Variants in PRRX1 observed in about 807,000 individuals in gnomAD.
The protein encoded by PRRX1 is paired related homeobox 1.
Under a neutral mutation model 24.0 loss-of-function variants are expected in PRRX1, and 8 were observed. The observed-to-expected ratio is 0.33, with a 90% confidence interval of 0.20 to 0.60. The LOEUF is 0.60. Among genes scored for constraint, PRRX1 ranks in the 20% least tolerant of loss-of-function variants. PRRX1 has a pLI of 0.82. For missense variants in PRRX1, 281 were observed against 322.4 expected (o/e 0.87, Z 0.98); for synonymous variants, 160 against 131.7 (o/e 1.22, Z -1.47).
chr1:170,688,980 A>G (rs1653839407), intron 1 of PRRX1, among the ~76,000 whole-genome samples: 1 of 152,158 alleles, frequency 6.6e-6, no homozygotes, highest in African/African-American at 2.4e-5. Flanking sequence ...TTAGAAATCA[A>G]TAGCATATTG....
At chr1:170,734,223 ATTTTT>A (rs11300488) in intron 3 of PRRX1, among the ~76,000 whole-genome samples, 2 of 144,384 alleles carry the variant, frequency 1.4e-5, no homozygotes, top group Admixed American at 6.9e-5. Context: ...TATTGGTAAG[ATTTTT>A]TTTTTTTTTT....
chr1:170,693,391 TC>T (rs1300135244), intron 1 of PRRX1, among the ~76,000 whole-genome samples: 1 of 151,972 alleles, frequency 6.6e-6, no homozygotes, highest in East Asian at 1.9e-4. Context: ...ATGACCAAAT[TC>T]TAGTATGATG....
intron 1 of PRRX1, among the ~76,000 whole-genome samples, chr1:170,673,604 T>G (rs1417892319): frequency 1.3e-5 from 2 of 152,232 alleles, no homozygotes; most frequent in African/African-American, 4.8e-5. Flanking sequence ...AATCCATATC[T>G]GCAGCCACTT....
intron 1 of PRRX1, among the ~76,000 whole-genome samples, chr1:170,684,919 T>C (rs917345366): frequency 6.6e-6 from 1 of 152,206 alleles, no homozygotes; most frequent in Admixed American, 6.5e-5. Flanking sequence ...TAAGTTATAA[T>C]CAGTATAAAC....
intron 1 of PRRX1, among the ~76,000 whole-genome samples, chr1:170,702,955 A>G (rs1450659076): frequency 2.6e-5 from 4 of 152,206 alleles, no homozygotes; most frequent in Non-Finnish European, 5.9e-5. Context: ...ATTTATAACC[A>G]TTTGATCAAG....
intron 1 of PRRX1, among the ~76,000 whole-genome samples, chr1:170,711,998 T>G (rs1195501418): frequency 1.3e-5 from 2 of 152,228 alleles, no homozygotes; most frequent in Non-Finnish European, 2.9e-5. Context: ...TGTTGTGTTT[T>G]TAGGCATATG....
At chr1:170,689,984 G>A (rs915347434) in intron 1 of PRRX1, among the ~76,000 whole-genome samples, 1 of 151,450 alleles carries the variant, frequency 6.6e-6, no homozygotes, top group Non-Finnish European at 1.5e-5. Context: ...GACTGGATTG[G>A]CATTCCTCAT....
intron 1 of PRRX1, among the ~76,000 whole-genome samples, chr1:170,713,966 T>G (rs1281065053): frequency 6.6e-6 from 1 of 152,176 alleles, no homozygotes; most frequent in East Asian, 1.9e-4. Context: ...TGGGAGTCAA[T>G]GATGGAGGAC....
intron 1 of PRRX1, among the ~76,000 whole-genome samples, chr1:170,714,284 C>T (rs1379180258): frequency 1.3e-5 from 2 of 152,100 alleles, no homozygotes; most frequent in Non-Finnish European, 2.9e-5. Context: ...GGTTACGGGG[C>T]CTGAACCACA....
intron 1 of PRRX1, among the ~76,000 whole-genome samples, chr1:170,685,874 T>A (rs1653716072): frequency 2.1e-5 from 3 of 143,366 alleles, no homozygotes; most frequent in Non-Finnish European, 3.1e-5. Flanking sequence ...GAATGCAACT[T>A]GAGTGTAATT....
chr1:170,675,169 G>A (rs1653273515), intron 1 of PRRX1, among the ~76,000 whole-genome samples: 1 of 152,194 alleles, frequency 6.6e-6, no homozygotes, highest in Non-Finnish European at 1.5e-5. Flanking sequence ...AAGTTCCAGT[G>A]GGTACATTTT....
At position 170,676,092 on chromosome 1, in the gene PRRX1, C is replaced by T. The variant is rs1376790857; in HGVS notation, c.241+11633C>T. Among the ~76,000 whole-genome samples, 38 of 152,090 alleles carry T rather than the reference C, an allele frequency of 2.5e-4. 1 individual carries two copies. Among genetic ancestry groups the T allele is most frequent in the Admixed American group, 2.5e-3 (38 of 15,274 alleles). On this transcript the variant is annotated intron_variant, in intron 1 of 3. Coordinates refer to ENST00000239461, the MANE Select transcript of PRRX1 (RefSeq NM_022716.4). The stretch of plus-strand genomic sequence containing the variant: ...AGGGGAAGACCACAGGCTGAATCCT[C>T]AACACATTTAAGAAATAAAATATAA...
chr1:170,699,107 A>G (rs1047486074), intron 1 of PRRX1, among the ~76,000 whole-genome samples: 14 of 152,184 alleles, frequency 9.2e-5, no homozygotes, highest in Admixed American at 3.9e-4. Context: ...GTGCTGAGGA[A>G]TAATTCCTCT....
chr1:170,721,685 C>T (rs1209745580), intron 2 of PRRX1, among the ~76,000 whole-genome samples: 1 of 152,152 alleles, frequency 6.6e-6, no homozygotes, highest in Non-Finnish European at 1.5e-5. Context: ...GTGAGAGTGA[C>T]CCATAGAGAC....
At chr1:170,699,177 G>A (rs1654270683) in intron 1 of PRRX1, among the ~76,000 whole-genome samples, 1 of 152,210 alleles carries the variant, frequency 6.6e-6, no homozygotes. Context: ...GTTAGTCACA[G>A]CTTTCCTGAC....
chr1:170,664,592 A>G lies in PRRX1; in HGVS notation c.241+133A>G, dbSNP rs76639352. The G allele has an allele frequency of 1.8e-3, 2,436 of 1,359,746 alleles. 33 individuals are homozygous for G. The African/African-American group carries it at 0.032, about 18-fold the overall frequency. The allele number at this position is 1,359,746 out of a possible 1,614,324, so 84.2% of individuals were successfully genotyped here. A position where few individuals can be genotyped will look rare whatever the true frequency, so the allele number is the denominator to read the frequency against. ...CCAGGAGAGGTGATGGCAGACTTCA[A>G]AGGAAGGGCCAGTCACAGGGGAAAC... is the stretch of plus-strand genomic sequence containing the variant. On this transcript the variant is annotated intron_variant, in intron 1 of 3. Transcript: ENST00000239461.
At chr1:170,665,827 G>T (rs1428300987) in intron 1 of PRRX1, among the ~76,000 whole-genome samples, 1 of 152,248 alleles carries the variant, frequency 6.6e-6, no homozygotes, top group African/African-American at 2.4e-5. Context: ...GCCAAAAGCG[G>T]CCTAGGGCCG....
chr1:170,691,806 A>C (rs928777368), intron 1 of PRRX1, among the ~76,000 whole-genome samples: 2 of 152,002 alleles, frequency 1.3e-5, no homozygotes, highest in Non-Finnish European at 2.9e-5. Context: ...GGTTTAACGT[A>C]AAGGATGAAA....
At position 170,737,526 on chromosome 1, in the gene PRRX1, G is replaced by A. The variant is rs370208404; in HGVS notation, c.*1340G>A. 6.2e-5 allele frequency: 13 copies of A among 208,862 alleles called. No homozygotes were observed. The highest frequency in any genetic ancestry group is 1.2e-4 in the Admixed American group (2 of 16,952). 12.9% of individuals were successfully genotyped at this position (208,862 alleles called of 1,614,324 possible). On this transcript the variant is annotated 3_prime_UTR_variant, in exon 4 of 4. Coordinates refer to ENST00000239461, the MANE Select transcript of PRRX1 (RefSeq NM_022716.4). The stretch of plus-strand genomic sequence containing the variant: ...AGGAATACCATTTAGTCATCTATCC[G>A]TTCTTCACTTAGCAGGAATATGAAA...
Sources: allele counts gnomAD v4.1 joint callset (sites outside exome capture counted in the v4.1 genomes callset), GRCh38; gene constraint gnomAD v4.1.1; transcripts MANE v1.5; gene names NCBI Gene and HGNC (gene_info 2026-07-23, HGNC 2026-07-21).